The following KCNH1 variants were observed in gnomAD, a reference collection of about 807,000 sequenced individuals.
The protein encoded by KCNH1 is potassium voltage-gated channel subfamily H member 1, also known as voltage-gated delayed rectifier potassium channel KCNH1.
In KCNH1, 27 loss-of-function variants were observed where a neutral mutation model predicts 69.2. That is an observed-to-expected ratio of 0.39 (90% CI 0.29 to 0.54). KCNH1 has a LOEUF of 0.54. KCNH1 is among the 20% of genes least tolerant of loss of function. The pLI, the probability that KCNH1 is intolerant of heterozygous loss-of-function variation, is 0.68. For synonymous variants in KCNH1, 456 were observed against 487.7 expected (o/e 0.93, Z 0.86); for missense variants, 798 against 1,261.6 (o/e 0.63, Z 5.57).
chr1:211,119,100 C>A (rs563055138), intron 1 of KCNH1, among the ~76,000 whole-genome samples: 1 of 152,334 alleles, frequency 6.6e-6, no homozygotes, highest in Admixed American at 6.5e-5. Flanking sequence ...GTGGCTCATG[C>A]CTGTAATCCC....
intron 6 of KCNH1, among the ~76,000 whole-genome samples, chr1:210,923,216 T>C (rs377062779): frequency 6.6e-6 from 1 of 152,200 alleles, no homozygotes; most frequent in African/African-American, 2.4e-5. Flanking sequence ...ACCTAATAAT[T>C]GCAGAATTGG....
chr1:210,972,980 C>CT (rs1292453426), intron 6 of KCNH1, among the ~76,000 whole-genome samples: 1 of 151,004 alleles, frequency 6.6e-6, no homozygotes, highest in African/African-American at 2.4e-5. Flanking sequence ...ACTCACTCTT[C>CT]TACCCTTTGT....
intron 6 of KCNH1, among the ~76,000 whole-genome samples, chr1:210,945,184 C>T (rs1687936536): frequency 6.6e-6 from 1 of 152,186 alleles, no homozygotes; most frequent in South Asian, 2.1e-4. Context: ...GTTGTGTCTA[C>T]CTTTTGGCTA....
chr1:210,984,247 T>TA, intron 6 of KCNH1, among the ~76,000 whole-genome samples: 1 of 152,192 alleles, frequency 6.6e-6, no homozygotes, highest in Non-Finnish European at 1.5e-5. Context: ...CCTCTTTTCC[T>TA]AATTGAATAC....
chr1:210,788,985 C>T, intron 9 of KCNH1, among the ~76,000 whole-genome samples: 1 of 149,032 alleles, frequency 6.7e-6, no homozygotes, highest in South Asian at 2.1e-4. Flanking sequence ...CGTGAGCCAC[C>T]GCGCCCGGCC....
At chr1:210,713,999 A>G (rs1362079147) in intron 10 of KCNH1, among the ~76,000 whole-genome samples, 2 of 152,172 alleles carry the variant, frequency 1.3e-5, no homozygotes, top group African/African-American at 2.4e-5. Flanking sequence ...CCTAAACCAA[A>G]GGGTATGAAT....
At chr1:210,861,074 C>T (rs1001973909) in intron 7 of KCNH1, 1 of 915,428 alleles carries the variant, frequency 1.1e-6, no homozygotes, top group African/African-American at 1.6e-5. Context: ...CTTCCTCTTA[C>T]TATGGGCTGT....
intron 6 of KCNH1, among the ~76,000 whole-genome samples, chr1:210,979,241 T>G (rs1003831843): frequency 6.6e-6 from 1 of 152,156 alleles, no homozygotes; most frequent in South Asian, 2.1e-4. Flanking sequence ...ATGAGAGGAA[T>G]CTCAAGAAAA....
intron 7 of KCNH1, among the ~76,000 whole-genome samples, chr1:210,841,165 G>C (rs566898759): frequency 1.4e-4 from 22 of 152,250 alleles, no homozygotes; most frequent in African/African-American, 4.6e-4. Context: ...CTATTTAAGG[G>C]AATCACTAGT....
At chr1:210,867,078 GA>G (rs1388290375) in intron 7 of KCNH1, among the ~76,000 whole-genome samples, 1 of 151,920 alleles carries the variant, frequency 6.6e-6, no homozygotes, top group Non-Finnish European at 1.5e-5. Context: ...TACATTTAGA[GA>G]AAGTAGATTA....
intron 10 of KCNH1, among the ~76,000 whole-genome samples, chr1:210,772,055 A>G (rs984618584): frequency 2.0e-5 from 3 of 152,242 alleles, no homozygotes; most frequent in African/African-American, 7.2e-5. Flanking sequence ...CTTAGAATAC[A>G]GAGGCTAGAG....
chr1:210,994,795 C>T (rs1038979421), intron 6 of KCNH1, among the ~76,000 whole-genome samples: 3 of 152,094 alleles, frequency 2.0e-5, no homozygotes, highest in Non-Finnish European at 4.4e-5. Flanking sequence ...AAAGTATATG[C>T]TAGAATCAAA....
intron 7 of KCNH1, chr1:210,860,630 T>C (rs1387618668): frequency 2.5e-6 from 2 of 796,956 alleles, no homozygotes; most frequent in Non-Finnish European, 4.6e-6. Flanking sequence ...TCTGTTTCTG[T>C]TATAATATGA....
At chr1:210,710,926 C>T (rs905468787) in intron 10 of KCNH1, among the ~76,000 whole-genome samples, 2 of 152,194 alleles carry the variant, frequency 1.3e-5, no homozygotes, top group Admixed American at 6.5e-5. Flanking sequence ...CATCACAAGG[C>T]CCATGCCCTT....
At chr1:210,737,257 A>G (rs1034200915) in intron 10 of KCNH1, among the ~76,000 whole-genome samples, 2 of 152,160 alleles carry the variant, frequency 1.3e-5, no homozygotes, top group African/African-American at 4.8e-5. Context: ...AAGACACCCA[A>G]AGGGAAGAGA....
At chr1:210,716,249 C>T (rs959886391) in intron 10 of KCNH1, among the ~76,000 whole-genome samples, 5 of 151,676 alleles carry the variant, frequency 3.3e-5, no homozygotes, top group South Asian at 2.1e-4. Context: ...CTGGCCAACA[C>T]GGTGAAACCC....
intron 10 of KCNH1, among the ~76,000 whole-genome samples, chr1:210,709,572 T>A (rs1682001610): frequency 6.6e-6 from 1 of 152,118 alleles, no homozygotes; most frequent in Admixed American, 6.5e-5. Context: ...GGTGACATCA[T>A]GAAGCTAAGT....
intron 6 of KCNH1, among the ~76,000 whole-genome samples, chr1:210,973,877 A>G (rs1688555900): frequency 6.6e-6 from 1 of 152,012 alleles, no homozygotes; most frequent in African/African-American, 2.4e-5. Context: ...GGCACATGGG[A>G]TTTTTTTCCT....
At chr1:211,093,062 A>G (rs1571641071) in intron 3 of KCNH1, among the ~76,000 whole-genome samples, 1 of 151,944 alleles carries the variant, frequency 6.6e-6, no homozygotes, top group African/African-American at 2.4e-5. Context: ...CATGATGTCT[A>G]CTCCTAGAAT....
Sources: gnomAD v4.1 joint callset for allele counts (sites outside exome capture counted in the v4.1 genomes callset) on GRCh38, gnomAD v4.1.1 for gene constraint, MANE v1.5 for transcripts, NCBI Gene and HGNC (gene_info 2026-07-23, HGNC 2026-07-21) for gene names.